Variants in PMS1 observed in about 807,000 individuals in gnomAD.
PMS1 encodes PMS1 homolog 1, mismatch repair system component, also known as PMS1 protein homolog 1.
Under a neutral mutation model 93.1 loss-of-function variants are expected in PMS1, and 79 were observed. That is an observed-to-expected ratio of 0.85 (90% CI 0.71 to 1.02). PMS1 has a LOEUF of 1.02. Among genes scored for constraint, PMS1 ranks in the 50% least tolerant of loss-of-function variants. PMS1 has a pLI of 0.00. For missense variants in PMS1, 1,064 were observed against 1,085.3 expected (o/e 0.98, Z 0.28); for synonymous variants, 335 against 363.4 (o/e 0.92, Z 0.89).
chr2:189,820,368 G>T (rs1238573660), intron 5 of PMS1, among the ~76,000 whole-genome samples: 2 of 151,786 alleles, frequency 1.3e-5, no homozygotes, highest in Non-Finnish European at 2.9e-5. Context: ...GCAGTGGCAC[G>T]ATCACAGCTC....
At position 189,791,805 on chromosome 2, in the gene PMS1, C is replaced by G. The variant is rs570050132; in HGVS notation, c.-5C>G. Reference sequence around the variant, plus strand: ...TATCTTCTAGCTGCTCTGTTAAAAGCGAAAATGAAACAATTGCCTGCGGCA... The same window carrying G: ...TATCTTCTAGCTGCTCTGTTAAAAGGGAAAATGAAACAATTGCCTGCGGCA... On this transcript the variant is annotated 5_prime_UTR_variant, in exon 2 of 13. Coordinates refer to ENST00000441310, the MANE Select transcript of PMS1 (RefSeq NM_000534.5). 6.2e-7 allele frequency: 1 copy of G among 1,613,338 alleles called. No homozygotes were observed. Among genetic ancestry groups the G allele is most frequent in the East Asian group, 2.2e-5 (1 of 44,870 alleles).
chr2:189,792,688 A>AATATATATATATATATAT (rs3067428), intron 2 of PMS1, among the ~76,000 whole-genome samples: 170 of 127,198 alleles, frequency 1.3e-3, no homozygotes, highest in African/African-American at 3.2e-3. Context: ...TATGGACACA[A>AATATATATATATATATAT]ATATATATAT....
chr2:189,796,478 T>C (rs1250808440), intron 3 of PMS1, among the ~76,000 whole-genome samples: 3 of 152,192 alleles, frequency 2.0e-5, no homozygotes, highest in Non-Finnish European at 1.5e-5. Context: ...CCATTATTCA[T>C]CTCCGCAACC....
At chr2:189,863,043 C>T (rs970840485) in intron 9 of PMS1, among the ~76,000 whole-genome samples, 1 of 152,078 alleles carries the variant, frequency 6.6e-6, no homozygotes, top group Non-Finnish European at 1.5e-5. Context: ...TTCTGGCCAC[C>T]CTGCTCCCCA....
intron 5 of PMS1, among the ~76,000 whole-genome samples, chr2:189,820,214 T>C (rs1322156157): frequency 6.6e-6 from 1 of 152,246 alleles, no homozygotes; most frequent in Non-Finnish European, 1.5e-5. Flanking sequence ...TTTAATACTT[T>C]GCTCATTGTT....
intron 8 of PMS1, 22 bp downstream of exon 8, chr2:189,854,104 TTTC>T: frequency 1.3e-6 from 2 of 1,528,868 alleles, no homozygotes; most frequent in Non-Finnish European, 1.8e-6. Flanking sequence ...CAGATAATTT[TTTC>T]TTATGCTATT....
intron 3 of PMS1, among the ~76,000 whole-genome samples, chr2:189,797,233 C>G (rs1277180254): frequency 2.0e-5 from 3 of 152,156 alleles, no homozygotes; most frequent in African/African-American, 7.2e-5. Flanking sequence ...TTGACTTGGT[C>G]TAAACCTTAA....
chr2:189,802,755 T>C (rs968336798), intron 3 of PMS1, among the ~76,000 whole-genome samples: 5 of 152,242 alleles, frequency 3.3e-5, no homozygotes, highest in Admixed American at 2.6e-4. Flanking sequence ...ATGATGGTTC[T>C]AAACCAAGGA....
intron 3 of PMS1, among the ~76,000 whole-genome samples, chr2:189,799,622 C>T (rs974036154): frequency 2.0e-5 from 3 of 152,196 alleles, no homozygotes; most frequent in African/African-American, 7.2e-5. Flanking sequence ...ACAGAGCTAG[C>T]TGGAAGGAAC....
In PMS1 at chr2:189,864,338, T is replaced by C. The variant is rs1475739272; in HGVS notation, c.2342+110T>C. 6 of 829,274 alleles carry C rather than the reference T, an allele frequency of 7.2e-6. No homozygotes were observed. The East Asian group carries it at 8.0e-5, about 11-fold the overall frequency. 51.4% of individuals were successfully genotyped at this position (829,274 alleles called of 1,614,324 possible). On this transcript the variant is annotated intron_variant, in intron 10 of 12. Transcript: ENST00000441310. ...AATGTTTCCTAGTAAGGATTAGTGG[T>C]ATTTATTTATTTTAATCTTTTAAAC...
intron 6 of PMS1, among the ~76,000 whole-genome samples, chr2:189,844,643 C>CAAA (rs752620656): frequency 3.2e-5 from 2 of 62,502 alleles, no homozygotes; most frequent in South Asian, 6.5e-4. Flanking sequence ...GATTCCATCT[C>CAAA]AAAAAAAAAA....
chr2:189,834,333 C>T (rs192509001), intron 5 of PMS1, among the ~76,000 whole-genome samples: 37 of 152,260 alleles, frequency 2.4e-4, no homozygotes, highest in African/African-American at 7.9e-4. Context: ...GATGAGGCTA[C>T]GAAGCTTGCT....
At position 189,835,849 on chromosome 2, in the gene PMS1, T is replaced by G. The variant is rs904697471; in HGVS notation, c.583-8115T>G. ...AGGCTGAGGCAGGAGAATCCTTGAGTCCAGGAGGCTGAGGCTGCTGTCAAC... is the reference window on the plus strand; with the variant it reads ...AGGCTGAGGCAGGAGAATCCTTGAGGCCAGGAGGCTGAGGCTGCTGTCAAC... On this transcript the variant is annotated intron_variant, in intron 5 of 12. Transcript: ENST00000441310. Among the ~76,000 whole-genome samples the G allele has an allele frequency of 2.8e-5, 4 of 144,318 alleles. No homozygotes were observed. The East Asian group carries it at 8.1e-4, about 29-fold the overall frequency. 94.7% of individuals were successfully genotyped at this position (144,318 alleles called of 152,430 possible).
Position 189,867,981 on chromosome 2 carries a change from C to T in PMS1, c.2473+52C>T, listed in dbSNP as rs541009803. ...TGATGTGGAAAAATTAGTCTTGTTC[C>T]AAGAGTTACATTTGGGTTTCATGAT... On this transcript the variant is annotated intron_variant, in intron 11 of 12. Transcript: ENST00000441310. 2.3e-4 allele frequency: 334 copies of T among 1,440,250 alleles called. 1 individual carries two copies. The South Asian group carries it at 2.4e-3, about 10-fold the overall frequency. The allele number at this position is 1,440,250 out of a possible 1,614,324, so 89.2% of individuals were successfully genotyped here.
intron 12 of PMS1, among the ~76,000 whole-genome samples, chr2:189,874,154 A>G (rs2057374729): frequency 6.6e-6 from 1 of 152,132 alleles, no homozygotes; most frequent in Non-Finnish European, 1.5e-5. Flanking sequence ...TGACTGTGGT[A>G]AACTCTATCA....
intron 6 of PMS1, 106 bp from the exon 7 acceptor site, chr2:189,852,549 G>A (rs2054851988): frequency 1.0e-6 from 1 of 962,070 alleles, no homozygotes; most frequent in South Asian, 1.4e-5. Flanking sequence ...TAGACCTTAA[G>A]ATGAAAATCT....
At chr2:189,785,858 C>T (rs575143348) in intron 1 of PMS1, among the ~76,000 whole-genome samples, 1 of 152,294 alleles carries the variant, frequency 6.6e-6, no homozygotes, top group East Asian at 1.9e-4. Flanking sequence ...GGCACGGTGG[C>T]TCACACCTGT....
intron 6 of PMS1, among the ~76,000 whole-genome samples, chr2:189,844,643 CAAAA>C (rs752620656): frequency 2.0e-3 from 127 of 62,524 alleles, no homozygotes; most frequent in African/African-American, 5.8e-3. Context: ...GATTCCATCT[CAAAA>C]AAAAAAAAAA....
chr2:189,867,422 CTT>C (rs1203962416), intron 10 of PMS1, among the ~76,000 whole-genome samples: 1 of 152,154 alleles, frequency 6.6e-6, no homozygotes, highest in Non-Finnish European at 1.5e-5. Context: ...ACAGAAGAAA[CTT>C]TGAATAGCAG....
Sources: gnomAD v4.1 joint callset for allele counts (sites outside exome capture counted in the v4.1 genomes callset) on GRCh38, gnomAD v4.1.1 for gene constraint, MANE v1.5 for transcripts, NCBI Gene and HGNC (gene_info 2026-07-23, HGNC 2026-07-21) for gene names.